The following HOMEZ variants were observed in gnomAD, a reference collection of about 807,000 sequenced individuals.
HOMEZ encodes homeobox and leucine zipper encoding.
HOMEZ carries 20 observed loss-of-function variants against 50.1 expected under a neutral mutation model. The observed-to-expected ratio is 0.40, with a 90% confidence interval of 0.28 to 0.58. HOMEZ has a LOEUF of 0.58. Among genes scored for constraint, HOMEZ ranks in the 20% least tolerant of loss-of-function variants. The pLI is 0.46. For synonymous variants in HOMEZ, 239 were observed against 254.7 expected, an observed-to-expected ratio of 0.94 and a Z score of 0.59; for missense variants, 579 against 680.5, an observed-to-expected ratio of 0.85 and a Z score of 1.66.
At chr14:23,279,112 T>TAGCTGGAA (rs1173862223) in intron 1 of HOMEZ, among the ~76,000 whole-genome samples, 2 of 152,162 alleles carry the variant, frequency 1.3e-5, no homozygotes, top group African/African-American at 4.8e-5. Flanking sequence ...GCCTCCTGAG[T>TAGCTGGAA]AGCTGGAATT....
At chr14:23,285,694 G>A in intron 1 of HOMEZ, 2 of 397,344 alleles carry the variant, frequency 5.0e-6, no homozygotes, top group Non-Finnish European at 8.9e-6. Flanking sequence ...TCTCGCCAAG[G>A]GCGCCCCAAC....
At chr14:23,279,226 T>A (rs1886434134) in intron 1 of HOMEZ, among the ~76,000 whole-genome samples, 1 of 152,170 alleles carries the variant, frequency 6.6e-6, no homozygotes. Flanking sequence ...GAAATAGCAA[T>A]CGAATATAAA....
At chr14:23,284,312 C>T (rs1192349502) in intron 1 of HOMEZ, among the ~76,000 whole-genome samples, 2 of 152,148 alleles carry the variant, frequency 1.3e-5, no homozygotes, top group Non-Finnish European at 2.9e-5. Context: ...AATTCAAGTG[C>T]GTCTAGAAGG....
Position 23,280,710 on chromosome 14 carries a change from T to TTTTTATTTTTATTTTATTTTA in HOMEZ, c.41-3524_41-3523insTAAAATAAAATAAAAATAAAA, listed in dbSNP as rs1886498600. Among the ~76,000 whole-genome samples the TTTTTATTTTTATTTTATTTTA allele has an allele frequency of 3.2e-5, 2 of 62,102 alleles. 1 individual carries two copies. The highest frequency in any genetic ancestry group is 9.1e-4 in the East Asian group (2 of 2,188). The allele number at this position is 62,102 out of a possible 152,430, so 40.7% of individuals were successfully genotyped here. A position where few individuals can be genotyped will look rare whatever the true frequency, so the allele number is the denominator to read the frequency against. On this transcript the variant is annotated intron_variant, in intron 1 of 1. Transcript: ENST00000357460. ...TTTTATTTTTATTTTTATATTTTTA[T>TTTTTATTTTTATTTTATTTTA]TTTTATTTTATTTTATTTTATTTTA...
intron 1 of HOMEZ, among the ~76,000 whole-genome samples, chr14:23,282,419 T>C (rs1886575753): frequency 6.6e-6 from 1 of 152,076 alleles, no homozygotes; most frequent in African/African-American, 2.4e-5. Context: ...AGTTCCACCT[T>C]TCGCCTTCCA....
At position 23,272,744 on chromosome 14, in the gene HOMEZ, A is replaced by C; in HGVS notation, c.*2831T>G. 1.1e-6 allele frequency: 1 copy of C among 872,920 alleles called. No homozygotes were observed. The highest frequency in any genetic ancestry group is 1.9e-6 in the Non-Finnish European group (1 of 531,838). 54.1% of individuals were successfully genotyped at this position (872,920 alleles called of 1,614,324 possible). A position where few individuals can be genotyped will look rare whatever the true frequency, so the allele number is the denominator to read the frequency against. On this transcript the variant is annotated 3_prime_UTR_variant, in exon 2 of 2. Coordinates refer to ENST00000357460, the MANE Select transcript of HOMEZ (RefSeq NM_020834.3). ...AGTGGTGTCTGTCTCGATAAGCTTC[A>C]TACAACAGGTCAGAGAGACTTGCTT...
In HOMEZ at chr14:23,272,823, ACT is replaced by A; in HGVS notation, c.*2750_*2751del. On this transcript the variant is annotated 3_prime_UTR_variant, in exon 2 of 2. Coordinates refer to ENST00000357460, the MANE Select transcript of HOMEZ (RefSeq NM_020834.3). ...TCTACCTTCTTGTCCTCTGCTGCAGACTCTCTACCAACAACGGAGGCATATGG... is the reference window on the plus strand; with the variant it reads ...TCTACCTTCTTGTCCTCTGCTGCAGACTCTACCAACAACGGAGGCATATGG... 4 of 1,547,328 alleles carry A rather than the reference ACT, an allele frequency of 2.6e-6. No individual in the cohort carries two copies. Among genetic ancestry groups the A allele is most frequent in the South Asian group, 1.2e-5 (1 of 83,974 alleles).
At position 23,275,849 on chromosome 14, in the gene HOMEZ, G is replaced by T; in HGVS notation, c.1379C>A (p.Pro460Gln). 1 of 1,597,610 alleles carries T rather than the reference G, an allele frequency of 6.3e-7. No individual in the cohort carries two copies. The highest frequency in any genetic ancestry group is 1.1e-5 in the South Asian group (1 of 88,214). ...CCTCTCCAAGGGTTGTATATCCGGTGGGGGTGGAGGGATCGGCAGAGGTGG... is the reference window on the plus strand; with the variant it reads ...CCTCTCCAAGGGTTGTATATCCGGTTGGGGTGGAGGGATCGGCAGAGGTGG... ...ETPPLPIPPP[P>Q]PDIQPLERYW... The change falls in exon 2 of 2, where the codon CCA (proline) becomes CAA (glutamine). Residue 460 changes from proline (P) to glutamine (Q), a missense_variant. Physicochemically the swap from Pro to Gln is moderately conservative, Grantham distance 76. Transcript: ENST00000357460.
At chr14:23,280,440 T>G (rs1045315232) in intron 1 of HOMEZ, among the ~76,000 whole-genome samples, 14 of 152,052 alleles carry the variant, frequency 9.2e-5, no homozygotes, top group Non-Finnish European at 1.6e-4. Context: ...CAAGACCAGG[T>G]GGACAGGCTC....
In HOMEZ at chr14:23,276,818, G is replaced by A. The variant is rs1179580920; in HGVS notation, c.410C>T (p.Ser137Phe). 14 of 1,613,904 alleles carry A rather than the reference G, an allele frequency of 8.7e-6. No individual in the cohort carries two copies. The highest frequency in any genetic ancestry group is 1.2e-5 in the Non-Finnish European group (14 of 1,179,890). ...CGCATGATGAGTAAAAGAGAGAAGG[G>A]ATTTGAAATGGAGTTGGTCCCGACG... ...VYRRDQLHFK[S>F]LLSFTHHAGR... The change falls in exon 2 of 2, where the codon TCC becomes TTC. Residue 137 changes from serine to phenylalanine, a missense_variant. Transcript: ENST00000357460. This position sits in a 1 kb window ranked among gnomAD's most constrained non-coding sequence, Gnocchi z 4.1.
In HOMEZ at chr14:23,285,897, G is replaced by A. The variant is rs1306413591; in HGVS notation, c.40+16C>T. 8.0e-6 allele frequency: 10 copies of A among 1,242,572 alleles called. No individual in the cohort carries two copies. Among genetic ancestry groups the A allele is most frequent in the Non-Finnish European group, 1.0e-5 (10 of 982,650 alleles). The allele number at this position is 1,242,572 out of a possible 1,614,324, so 77.0% of individuals were successfully genotyped here. On this transcript the variant is annotated intron_variant, in intron 1 of 1. Transcript: ENST00000357460. ...CGAGCTGGGAGGGGAAGTCCAAGGGGCTGGGGATCACTCACCGCAGTCCAG... is the reference window on the plus strand; with the variant it reads ...CGAGCTGGGAGGGGAAGTCCAAGGGACTGGGGATCACTCACCGCAGTCCAG...
intron 1 of HOMEZ, among the ~76,000 whole-genome samples, chr14:23,280,818 G>A (rs1050529495): frequency 2.2e-5 from 3 of 137,138 alleles, no homozygotes; most frequent in Non-Finnish European, 4.7e-5. Flanking sequence ...TCTGTCGCCA[G>A]GCTGGAGTGC....
chr14:23,276,501 T>C lies in HOMEZ; in HGVS notation c.727A>G (p.Ile243Val), dbSNP rs1295229372. Residue 243 changes from isoleucine to valine, a missense_variant, in exon 2 of 2, where the codon ATA becomes GTA. Ile to Val is a conservative substitution (Grantham distance 29, BLOSUM62 3). Transcript: ENST00000357460. This position sits in a 1 kb window ranked among gnomAD's most constrained non-coding sequence, Gnocchi z 4.1. Reference sequence around the variant, plus strand: ...GAGTGGTTCCAGGAAGCAGTACCTATGCCATGTGACTGGTTGGGACCCCTG... The same window carrying C: ...GAGTGGTTCCAGGAAGCAGTACCTACGCCATGTGACTGGTTGGGACCCCTG... ...AGRGPNQSHG[I>V]GTASWNHSTT... 6.2e-7 allele frequency: 1 copy of C among 1,614,034 alleles called. No individual in the cohort carries two copies. The highest frequency in any genetic ancestry group is 1.7e-5 in the Admixed American group (1 of 60,018).
rs1410369745 is a variant in HOMEZ, at chr14:23,273,498, C to T, written c.*2077G>A. 6.6e-6 allele frequency: 1 copy of T among 152,174 alleles called. No individual in the cohort carries two copies. The highest frequency in any genetic ancestry group is 1.5e-5 in the Non-Finnish European group (1 of 68,026). The allele number at this position is 152,174 out of a possible 1,614,324, so 9.4% of individuals were successfully genotyped here. ...TACAATTCTATCACTTTTACAAGCT[C>T]TAGAATGGTGGAATGGGCGAACAAC... On this transcript the variant is annotated 3_prime_UTR_variant, in exon 2 of 2. Transcript: ENST00000357460.
Position 23,275,614 on chromosome 14 carries a change from ATCT to A in HOMEZ, c.1611_1613del (p.Glu537del), listed in dbSNP as rs1260549251. On this transcript the variant is annotated inframe_deletion, in exon 2 of 2. Transcript: ENST00000357460. ...TCACATCATCATCATCATCATCATC[ATCT>A]TCCTCCTCCTCCTCCTCCTCTTCCT... is the stretch of plus-strand genomic sequence containing the variant. The A allele has an allele frequency of 2.2e-5, 21 of 972,924 alleles. No homozygotes were observed. In the Admixed American group the frequency reaches 2.6e-4, roughly 12 times the overall value. 60.3% of individuals were successfully genotyped at this position (972,924 alleles called of 1,614,324 possible).
intron 1 of HOMEZ, among the ~76,000 whole-genome samples, chr14:23,280,712 T>G (rs1210708175): frequency 1.7e-5 from 1 of 58,270 alleles, no homozygotes; most frequent in Non-Finnish European, 3.3e-5. Context: ...TATTTTTATT[T>G]TTATTTTATT....
chr14:23,272,598 C>T lies in HOMEZ; in HGVS notation c.*2977G>A. The T allele has an allele frequency of 1.8e-6, 1 of 548,812 alleles. No homozygotes were observed. The highest frequency in any genetic ancestry group is 3.2e-6 in the Non-Finnish European group (1 of 309,570). 34.0% of individuals were successfully genotyped at this position (548,812 alleles called of 1,614,324 possible). Reference sequence around the variant, plus strand: ...AATAGTTTAATTTTCAAATATTCATCCTTATTATTATCACCATAAGCTACT... The same window carrying T: ...AATAGTTTAATTTTCAAATATTCATTCTTATTATTATCACCATAAGCTACT... On this transcript the variant is annotated 3_prime_UTR_variant, in exon 2 of 2. Transcript: ENST00000357460.
In HOMEZ at chr14:23,280,744, T is replaced by TTTTA. The variant is rs1886519418; in HGVS notation, c.41-3561_41-3558dup. Among the ~76,000 whole-genome samples, 3 of 79,788 alleles carry TTTTA rather than the reference T, an allele frequency of 3.8e-5. 1 individual carries two copies. The highest frequency in any genetic ancestry group is 6.3e-4 in the East Asian group (2 of 3,192). The allele number at this position is 79,788 out of a possible 152,430, so 52.3% of individuals were successfully genotyped here. On this transcript the variant is annotated intron_variant, in intron 1 of 1. Transcript: ENST00000357460. ...TATTTTATTTTATTTTATTTTATTA[T>TTTTA]TTTATTTTATTTTATTTTATTTTAT...
rs1193683748 is a variant in HOMEZ at position 23,280,684 on chromosome 14, A to ATTTTAT, written c.41-3503_41-3498dup. 3.9e-4 allele frequency among the ~76,000 whole-genome samples: 51 copies of ATTTTAT among 130,178 alleles called. 3 individuals carry two copies. The highest frequency in any genetic ancestry group is 6.7e-4 in the Non-Finnish European group (40 of 59,262). The allele number at this position is 130,178 out of a possible 152,430, so 85.4% of individuals were successfully genotyped here. A position where few individuals can be genotyped will look rare whatever the true frequency, so the allele number is the denominator to read the frequency against. On this transcript the variant is annotated intron_variant, in intron 1 of 1. Coordinates refer to ENST00000357460, the MANE Select transcript of HOMEZ (RefSeq NM_020834.3). Reference sequence around the variant, plus strand: ...CTCTTAGGGGAATCACATCTGTTATATTTTATTTTTATTTTTATATTTTTA... The same window carrying ATTTTAT: ...CTCTTAGGGGAATCACATCTGTTATATTTTATTTTTATTTTTATTTTTATATTTTTA...
Sources: allele counts gnomAD v4.1 joint callset (sites outside exome capture counted in the v4.1 genomes callset), GRCh38; gene constraint gnomAD v4.1.1; non-coding constraint Gnocchi (gnomAD v3.1); transcripts MANE v1.5; gene names NCBI Gene and HGNC (gene_info 2026-07-23, HGNC 2026-07-21).